Variants in CSMD1 observed in about 807,000 individuals in gnomAD.
CSMD1 encodes the protein CUB and Sushi multiple domains 1, also known as CUB and sushi domain-containing protein 1.
CSMD1 carries 213 observed loss-of-function variants against 417.5 expected under a neutral mutation model. That is an observed-to-expected ratio of 0.51 (90% confidence interval 0.46 to 0.57). CSMD1 has a LOEUF of 0.57. CSMD1 is among the 20% of genes least tolerant of loss of function. CSMD1 has a pLI of 0.00. For synonymous variants in CSMD1, 2,862 were observed against 1,736.8 expected, an observed-to-expected ratio of 1.65 and a Z score of -16.11; for missense variants, 6,923 against 4,529.7, an observed-to-expected ratio of 1.53 and a Z score of -15.17.
intron 2 of CSMD1, among the ~76,000 whole-genome samples, chr8:4,599,794 A>G (rs1800488362): frequency 6.6e-6 from 1 of 152,214 alleles, no homozygotes; most frequent in Admixed American, 6.5e-5. Flanking sequence ...ACTGTAAGCC[A>G]AGTATATTTC....
intron 3 of CSMD1, among the ~76,000 whole-genome samples, chr8:4,075,360 G>A (rs1001023053): frequency 1.3e-5 from 2 of 151,984 alleles, no homozygotes; most frequent in East Asian, 1.9e-4. Context: ...ATGAAGTGCT[G>A]AATTTTTTTT....
At chr8:4,957,135 G>C (rs12115140) in intron 1 of CSMD1, among the ~76,000 whole-genome samples, 2,453 of 152,266 alleles carry the variant, frequency 0.016, 59 homozygotes, top group African/African-American at 0.056. Flanking sequence ...AAAAGCAAAT[G>C]AAATCTGGCA....
rs368264049 is a variant in CSMD1 at position 4,777,338 on chromosome 8, T to C, written c.86-139780A>G. On this transcript the variant is annotated intron_variant, in intron 1 of 69. Coordinates refer to ENST00000635120, the MANE Select transcript of CSMD1 (RefSeq NM_033225.6). ...AAACTGGGACTAGTAAATGAGAGAG[T>C]GCCTTTGGTAGATGAGATGTCTGGT... Among the ~76,000 whole-genome samples the C allele has an allele frequency of 2.4e-4, 36 of 152,074 alleles. 1 individual carries two copies. In the South Asian group the frequency reaches 4.0e-3, roughly 17 times the overall value.
At chr8:3,522,224 T>A (rs1200805033) in intron 10 of CSMD1, among the ~76,000 whole-genome samples, 1 of 152,218 alleles carries the variant, frequency 6.6e-6, no homozygotes, top group Non-Finnish European at 1.5e-5. Flanking sequence ...TTATCTTACA[T>A]AAAATATTGC....
intron 1 of CSMD1, among the ~76,000 whole-genome samples, chr8:4,900,516 C>G (rs1268006851): frequency 6.6e-6 from 1 of 152,142 alleles, no homozygotes; most frequent in Non-Finnish European, 1.5e-5. Context: ...TCTGGTCTGC[C>G]AGTCTCTGAT....
chr8:3,829,588 A>G (rs1236222359), intron 5 of CSMD1, among the ~76,000 whole-genome samples: 1 of 152,184 alleles, frequency 6.6e-6, no homozygotes, highest in Non-Finnish European at 1.5e-5. Context: ...AGTACTTAGA[A>G]TAATGATGGG....
chr8:3,794,384 A>C (rs779433301), intron 5 of CSMD1, among the ~76,000 whole-genome samples: 1 of 152,178 alleles, frequency 6.6e-6, no homozygotes, highest in Non-Finnish European at 1.5e-5. Flanking sequence ...ATGAAGTTTC[A>C]TCCATGTAGT....
intron 26 of CSMD1, among the ~76,000 whole-genome samples, chr8:3,259,291 C>T (rs1438506806): frequency 6.6e-6 from 1 of 152,166 alleles, no homozygotes; most frequent in African/African-American, 2.4e-5. Flanking sequence ...TCTTTGAAAA[C>T]TCATGGATTT....
intron 26 of CSMD1, among the ~76,000 whole-genome samples, chr8:3,246,537 T>C (rs987143941): frequency 6.6e-6 from 1 of 152,214 alleles, no homozygotes; most frequent in Non-Finnish European, 1.5e-5. Context: ...AGTGACTCAG[T>C]CTGGGCTCAC....
chr8:4,137,061 C>G (rs1440359797), intron 3 of CSMD1, among the ~76,000 whole-genome samples: 2 of 152,192 alleles, frequency 1.3e-5, no homozygotes, highest in Non-Finnish European at 1.5e-5. Context: ...CGGGCTCTAA[C>G]TTCCTTTGCT....
At chr8:3,525,428 A>G (rs1585304816) in intron 10 of CSMD1, among the ~76,000 whole-genome samples, 1 of 152,340 alleles carries the variant, frequency 6.6e-6, no homozygotes, top group East Asian at 1.9e-4. Context: ...TACTGAGTTC[A>G]CAAAAATTTA....
At chr8:4,671,074 G>C (rs1385206652) in intron 1 of CSMD1, among the ~76,000 whole-genome samples, 1 of 152,212 alleles carries the variant, frequency 6.6e-6, no homozygotes, top group East Asian at 1.9e-4. Flanking sequence ...TTACAAAGCA[G>C]AACCCTGCTG....
At chr8:3,725,732 A>C (rs538840195) in intron 6 of CSMD1, among the ~76,000 whole-genome samples, 1 of 152,284 alleles carries the variant, frequency 6.6e-6, no homozygotes, top group Admixed American at 6.5e-5. Flanking sequence ...CCACATACCA[A>C]CTGCTGTGTT....
chr8:4,416,656 G>A (rs548711607), intron 3 of CSMD1, among the ~76,000 whole-genome samples: 6 of 151,984 alleles, frequency 3.9e-5, no homozygotes, highest in African/African-American at 9.7e-5. Context: ...ATCAGAGAGA[G>A]AGGCTCTTTG....
At chr8:3,933,683 G>A (rs565335093) in intron 5 of CSMD1, among the ~76,000 whole-genome samples, 9 of 152,036 alleles carry the variant, frequency 5.9e-5, no homozygotes, top group South Asian at 4.1e-4. Flanking sequence ...AAAATGTTTC[G>A]CATGCAATTT....
At chr8:3,648,423 T>C (rs867537245) in intron 7 of CSMD1, among the ~76,000 whole-genome samples, 2 of 152,186 alleles carry the variant, frequency 1.3e-5, no homozygotes, top group African/African-American at 4.8e-5. Flanking sequence ...ATGATGCAAC[T>C]CAAATTGAGA....
chr8:3,000,642 A>T (rs665911), intron 52 of CSMD1, among the ~76,000 whole-genome samples: 6,458 of 152,230 alleles, frequency 0.042, 334 homozygotes, highest in African/African-American at 0.12. Flanking sequence ...TGAAAATCTG[A>T]GTTATGGGTG....
At chr8:4,631,283 A>T (rs1454160950) in intron 2 of CSMD1, among the ~76,000 whole-genome samples, 41 of 152,054 alleles carry the variant, frequency 2.7e-4, no homozygotes, top group Admixed American at 2.5e-3. Context: ...AATCGCTGGA[A>T]CCTGGGAGGC....
chr8:4,709,776 G>A (rs375843971), intron 1 of CSMD1, among the ~76,000 whole-genome samples: 1 of 152,178 alleles, frequency 6.6e-6, no homozygotes, highest in Admixed American at 6.5e-5. Flanking sequence ...GGCTCCCAGG[G>A]AGAAGTCACA....
Sources: allele counts gnomAD v4.1 joint callset (sites outside exome capture counted in the v4.1 genomes callset), GRCh38; gene constraint gnomAD v4.1.1; transcripts MANE v1.5; gene names NCBI Gene and HGNC (gene_info 2026-07-23, HGNC 2026-07-21).